The following ENPP1 variants were observed in gnomAD, a reference collection of about 807,000 sequenced individuals.
ENPP1 encodes ectonucleotide pyrophosphatase/phosphodiesterase family member 1.
A neutral mutation model predicts 122.8 loss-of-function variants in ENPP1; 73 were observed. That is an observed-to-expected ratio of 0.59 (90% CI 0.49 to 0.72). ENPP1 has a LOEUF of 0.72. ENPP1 is among the 30% of genes least tolerant of loss of function. The pLI is 0.00. For synonymous variants in ENPP1, 367 were observed against 391.6 expected (o/e 0.94, Z 0.74); for missense variants, 978 against 1,128.1 (o/e 0.87, Z 1.91).
intron 1 of ENPP1, among the ~76,000 whole-genome samples, chr6:131,829,832 A>G (rs1020739435): frequency 6.6e-5 from 10 of 152,186 alleles, no homozygotes; most frequent in Non-Finnish European, 1.5e-4. Context: ...AGATGCAGCC[A>G]CTGCAGGGGT....
At position 131,808,276 on chromosome 6, in the gene ENPP1, G is replaced by A. The variant is rs997361572; in HGVS notation, c.240+1G>A. On this transcript the variant is annotated splice_donor_variant, in intron 1 of 24. Coordinates refer to ENST00000647893, the MANE Select transcript of ENPP1 (RefSeq NM_006208.3). LOFTEE classifies it high-confidence loss of function. ...CAACACCTATAAAGTACTCTCGCTG[G>A]TAGGTCCGCGGCCAGGCCCCGGCGC... 1.3e-6 allele frequency: 2 copies of A among 1,500,608 alleles called. No individual in the cohort carries two copies. Among genetic ancestry groups the A allele is most frequent in the Non-Finnish European group, 1.8e-6 (2 of 1,122,240 alleles). The allele number at this position is 1,500,608 out of a possible 1,614,324, so 93.0% of individuals were successfully genotyped here. A position where few individuals can be genotyped will look rare whatever the true frequency, so the allele number is the denominator to read the frequency against.
chr6:131,851,245 C>T lies in ENPP1; in HGVS notation c.534C>T (p.Ile178=). 2 of 1,614,146 alleles carry T rather than the reference C, an allele frequency of 1.2e-6. No homozygotes were observed. The highest frequency in any genetic ancestry group is 1.1e-5 in the South Asian group (1 of 91,088). Reference sequence around the variant, plus strand: ...GCAAGGACAAGGGCGACTGCTGCATCAACTACAGTTCTGTGTGTCAAGGTC... The same window carrying T: ...GCAAGGACAAGGGCGACTGCTGCATTAACTACAGTTCTGTGTGTCAAGGTC... ...DDCKDKGDCC[I]NYSSVCQGEK... Residue 178 remains isoleucine (I), a synonymous_variant, in exon 4 of 25, where the codon ATC becomes ATT. Coordinates refer to ENST00000647893, the MANE Select transcript of ENPP1 (RefSeq NM_006208.3).
chr6:131,849,663 C>T (rs1049265866), intron 2 of ENPP1, among the ~76,000 whole-genome samples: 22 of 152,252 alleles, frequency 1.4e-4, no homozygotes, highest in Admixed American at 1.0e-3. Flanking sequence ...CAGAACAAGC[C>T]TTTATTCTGA....
intron 1 of ENPP1, among the ~76,000 whole-genome samples, chr6:131,815,065 A>G (rs1034372340): frequency 4.6e-5 from 7 of 152,342 alleles, no homozygotes; most frequent in African/African-American, 1.7e-4. Context: ...GTATAAATTC[A>G]GGGGTAAGAT....
intron 1 of ENPP1, among the ~76,000 whole-genome samples, chr6:131,823,351 T>C (rs1781505012): frequency 6.6e-6 from 1 of 152,130 alleles, no homozygotes; most frequent in Non-Finnish European, 1.5e-5. Flanking sequence ...TGATGTATAG[T>C]ACATGCAATA....
intron 2 of ENPP1, among the ~76,000 whole-genome samples, chr6:131,848,228 T>C (rs1781837913): frequency 6.6e-6 from 1 of 152,168 alleles, no homozygotes; most frequent in South Asian, 2.1e-4. Context: ...CAGTATGTGC[T>C]CTTAAGGTTC....
intron 1 of ENPP1, among the ~76,000 whole-genome samples, chr6:131,843,401 G>A (rs527886364): frequency 1.3e-5 from 2 of 152,266 alleles, no homozygotes; most frequent in South Asian, 2.1e-4. Flanking sequence ...TTAAAAGTCA[G>A]CATGTGTCTT....
intron 1 of ENPP1, among the ~76,000 whole-genome samples, chr6:131,811,316 A>G (rs972085590): frequency 1.1e-4 from 17 of 151,916 alleles, no homozygotes; most frequent in African/African-American, 4.1e-4. Context: ...GTCACTGAAG[A>G]CTACTTTCAT....
intron 1 of ENPP1, among the ~76,000 whole-genome samples, chr6:131,835,176 T>C (rs1232414592): frequency 6.6e-6 from 1 of 152,232 alleles, no homozygotes; most frequent in African/African-American, 2.4e-5. Flanking sequence ...GCTGGAATTT[T>C]AATGTGTAAT....
At chr6:131,883,820 C>A in intron 22 of ENPP1, 46 bp downstream of exon 22, 1 of 932,708 alleles carries the variant, frequency 1.1e-6, no homozygotes, top group Non-Finnish European at 1.8e-6. Flanking sequence ...TGAATTTGTG[C>A]ACATATAGGC....
At chr6:131,883,459 T>C (rs1253245766) in intron 21 of ENPP1, among the ~76,000 whole-genome samples, 1 of 152,232 alleles carries the variant, frequency 6.6e-6, no homozygotes, top group Non-Finnish European at 1.5e-5. Flanking sequence ...CTCTTGTTAT[T>C]AAAGTTTATG....
At chr6:131,826,280 G>A (rs749186819) in intron 1 of ENPP1, 3 of 1,307,620 alleles carry the variant, frequency 2.3e-6, no homozygotes, top group East Asian at 4.6e-5. Context: ...GCACAGTACT[G>A]CAAATTACTC....
chr6:131,816,185 T>C (rs971569640), intron 1 of ENPP1, among the ~76,000 whole-genome samples: 5 of 152,214 alleles, frequency 3.3e-5, no homozygotes, highest in African/African-American at 1.2e-4. Flanking sequence ...TTCATCTATA[T>C]TGTGGCCTTT....
intron 16 of ENPP1, among the ~76,000 whole-genome samples, chr6:131,874,737 C>T (rs770561533): frequency 2.6e-5 from 4 of 152,080 alleles, no homozygotes; most frequent in Non-Finnish European, 5.9e-5. Flanking sequence ...GACACCTGCA[C>T]TCGTATGTTT....
rs934674344 is a variant in ENPP1 at position 131,884,877 on chromosome 6, G to A, written c.2312-54G>A. On this transcript the variant is annotated intron_variant, in intron 22 of 24. Coordinates refer to ENST00000647893, the MANE Select transcript of ENPP1 (RefSeq NM_006208.3). ...ATCATGGTGTTAATTTATTTCACAC[G>A]TCAACATGGTCCCTTGTTCTTTTGA... 1.5e-5 allele frequency: 24 copies of A among 1,594,786 alleles called. No homozygotes were observed. The African/African-American group carries it at 2.1e-4, about 14-fold the overall frequency.
At chr6:131,878,705 A>G (rs1238069580) in intron 19 of ENPP1, 112 bp downstream of exon 19, 4 of 821,460 alleles carry the variant, frequency 4.9e-6, no homozygotes, top group Middle Eastern at 2.2e-4. Context: ...AATAAAATAA[A>G]GGGAGTTCTG....
rs941867830 is a variant in ENPP1 at position 131,894,631 on chromosome 6, G to C, written c.*4120G>C. 3 of 152,184 alleles carry C rather than the reference G, an allele frequency of 2.0e-5. No individual in the cohort carries two copies. Among genetic ancestry groups the C allele is most frequent in the Non-Finnish European group, 2.9e-5 (2 of 68,060 alleles). 9.4% of individuals were successfully genotyped at this position (152,184 alleles called of 1,614,324 possible). On this transcript the variant is annotated 3_prime_UTR_variant, in exon 25 of 25. Transcript: ENST00000647893. ...AATTTCCATCAGTTCATTCATGAAAGAACAAAGAACCTGGCAAAACTTAAA... is the reference window on the plus strand; with the variant it reads ...AATTTCCATCAGTTCATTCATGAAACAACAAAGAACCTGGCAAAACTTAAA...
Position 131,892,903 on chromosome 6 carries a change from T to A in ENPP1, c.*2392T>A, listed in dbSNP as rs538691741. 1 of 151,916 alleles carries A rather than the reference T, an allele frequency of 6.6e-6. No individual in the cohort carries two copies. The highest frequency in any genetic ancestry group is 6.6e-5 in the Admixed American group (1 of 15,252). 9.4% of individuals were successfully genotyped at this position (151,916 alleles called of 1,614,324 possible). A position where few individuals can be genotyped will look rare whatever the true frequency, so the allele number is the denominator to read the frequency against. Reference sequence around the variant, plus strand: ...GGAGAGAGCAGGACTCTCTTAGGGCTTTTTTTTCCCCTGCATTTATTGACA... The same window carrying A: ...GGAGAGAGCAGGACTCTCTTAGGGCATTTTTTTCCCCTGCATTTATTGACA... On this transcript the variant is annotated 3_prime_UTR_variant, in exon 25 of 25. Transcript: ENST00000647893.
intron 1 of ENPP1, among the ~76,000 whole-genome samples, chr6:131,845,651 G>T (rs947771986): frequency 1.1e-4 from 16 of 151,712 alleles, no homozygotes; most frequent in Non-Finnish European, 1.9e-4. Flanking sequence ...TAGAGATGGG[G>T]TTTCACCATG....
Sources: gnomAD v4.1 joint callset for allele counts (sites outside exome capture counted in the v4.1 genomes callset) on GRCh38, gnomAD v4.1.1 for gene constraint, MANE v1.5 for transcripts, NCBI Gene and HGNC (gene_info 2026-07-23, HGNC 2026-07-21) for gene names.